ROBO2: variants seen among roughly 807,000 people sequenced by gnomAD.
ROBO2 encodes the protein roundabout homolog 2.
Under a neutral mutation model 160.8 loss-of-function variants are expected in ROBO2, and 53 were observed. The ratio of observed to expected loss-of-function variants is 0.33; its 90% CI spans 0.26 to 0.41. The LOEUF is 0.41. Ranked by LOEUF, ROBO2 falls within the 10% of genes least tolerant of loss-of-function variation. The probability of loss-of-function intolerance (pLI) is 1.00; values close to 1 mark genes in which losing one functional copy is unlikely to be tolerated. For missense variants in ROBO2, 1,577 were observed against 1,722.4 expected (o/e 0.92, Z 1.49); for synonymous variants, 664 against 611.7 (o/e 1.09, Z -1.26).
At chr3:77,417,496 A>C (rs2077352608) in intron 2 of ROBO2, among the ~76,000 whole-genome samples, 1 of 152,114 alleles carries the variant, frequency 6.6e-6, no homozygotes, top group Admixed American at 6.5e-5. Flanking sequence ...ACTTCAATAA[A>C]ATATATGTAA....
At chr3:77,445,035 G>A (rs2080324924) in intron 2 of ROBO2, among the ~76,000 whole-genome samples, 1 of 152,086 alleles carries the variant, frequency 6.6e-6, no homozygotes, top group African/African-American at 2.4e-5. Context: ...AATAAAATCA[G>A]CAAGTGATTG....
intron 2 of ROBO2, among the ~76,000 whole-genome samples, chr3:76,785,529 G>C (rs556767157): frequency 5.9e-5 from 9 of 151,266 alleles, no homozygotes; most frequent in Admixed American, 2.0e-4. Context: ...TTGTTGTAGT[G>C]CTATGGCAAT....
chr3:77,271,548 G>C (rs1260422968), intron 2 of ROBO2, among the ~76,000 whole-genome samples: 1 of 152,188 alleles, frequency 6.6e-6, no homozygotes, highest in African/African-American at 2.4e-5. Flanking sequence ...CATAAAGTGT[G>C]ATTAGAGCCT....
intron 13 of ROBO2, among the ~76,000 whole-genome samples, chr3:77,571,504 A>G (rs77673047): frequency 6.6e-6 from 1 of 152,098 alleles, no homozygotes; most frequent in Non-Finnish European, 1.5e-5. Context: ...TGAGCAAATT[A>G]AGTAAACTGA....
At chr3:77,380,568 A>G (rs948658107) in intron 2 of ROBO2, among the ~76,000 whole-genome samples, 2 of 152,270 alleles carry the variant, frequency 1.3e-5, no homozygotes, top group Non-Finnish European at 1.5e-5. Context: ...AATTAATAGA[A>G]TTGGTAGTGC....
chr3:77,220,561 C>A (rs1380392516), intron 2 of ROBO2, among the ~76,000 whole-genome samples: 1 of 151,524 alleles, frequency 6.6e-6, no homozygotes, highest in Non-Finnish European at 1.5e-5. Context: ...CAATTAGATT[C>A]CTTGTGGAAA....
At chr3:75,996,867 A>C (rs2065744454) in intron 2 of ROBO2, among the ~76,000 whole-genome samples, 1 of 152,022 alleles carries the variant, frequency 6.6e-6, no homozygotes, top group African/African-American at 2.4e-5. Flanking sequence ...CTATTCTGAT[A>C]TATGTAAATC....
At chr3:77,240,481 G>A (rs2088862225) in intron 2 of ROBO2, among the ~76,000 whole-genome samples, 1 of 152,154 alleles carries the variant, frequency 6.6e-6, no homozygotes, top group Non-Finnish European at 1.5e-5. Flanking sequence ...ACACCTCCCT[G>A]CAAGCAGAGG....
chr3:76,273,293 C>T (rs1010632127), intron 2 of ROBO2, among the ~76,000 whole-genome samples: 2 of 150,210 alleles, frequency 1.3e-5, no homozygotes, highest in Non-Finnish European at 3.0e-5. Context: ...TACAGTTTTT[C>T]GAGGCAATTA....
chr3:76,334,604 A>G (rs1287612668), intron 2 of ROBO2, among the ~76,000 whole-genome samples: 1 of 152,180 alleles, frequency 6.6e-6, no homozygotes, highest in African/African-American at 2.4e-5. Context: ...AGAGTCACAT[A>G]GGCATAACAG....
chr3:77,330,924 G>C (rs545599923), intron 2 of ROBO2, among the ~76,000 whole-genome samples: 3 of 152,248 alleles, frequency 2.0e-5, no homozygotes, highest in Admixed American at 6.5e-5. Context: ...TTGTTTCTCA[G>C]TATTTGATTG....
chr3:76,447,881 G>A (rs1189190290), intron 2 of ROBO2, among the ~76,000 whole-genome samples: 22 of 129,870 alleles, frequency 1.7e-4, no homozygotes, highest in African/African-American at 5.3e-4. Context: ...ATCACACAGC[G>A]GGGCCTGTTG....
At chr3:76,147,905 A>G (rs530275957) in intron 2 of ROBO2, among the ~76,000 whole-genome samples, 3 of 152,180 alleles carry the variant, frequency 2.0e-5, no homozygotes, top group South Asian at 2.1e-4. Flanking sequence ...ACCTGAGAGA[A>G]TATCTCAAAT....
intron 2 of ROBO2, among the ~76,000 whole-genome samples, chr3:75,978,720 T>A (rs1471777790): frequency 4.0e-5 from 6 of 151,552 alleles, no homozygotes; most frequent in Non-Finnish European, 7.4e-5. Context: ...TCCATGAAAC[T>A]TTTACCAACA....
At chr3:76,570,538 TA>T (rs1341701034) in intron 2 of ROBO2, among the ~76,000 whole-genome samples, 1 of 152,190 alleles carries the variant, frequency 6.6e-6, no homozygotes, top group Non-Finnish European at 1.5e-5. Context: ...TCTTTTAAAA[TA>T]AAATCAATGT....
chr3:77,380,823 C>A (rs113623195), intron 2 of ROBO2, among the ~76,000 whole-genome samples: 2 of 151,886 alleles, frequency 1.3e-5, no homozygotes, highest in Non-Finnish European at 2.9e-5. Flanking sequence ...CGCTGATTAG[C>A]GCTGTCTCAA....
At chr3:77,634,582 G>A (rs185873751) in intron 23 of ROBO2, 17 of 383,698 alleles carry the variant, frequency 4.4e-5, no homozygotes, top group Non-Finnish European at 6.9e-5. Context: ...TTAAATAAAA[G>A]TATAATCATG....
At chr3:76,642,398 G>C (rs1181505309) in intron 2 of ROBO2, among the ~76,000 whole-genome samples, 2 of 137,312 alleles carry the variant, frequency 1.5e-5, no homozygotes, top group Non-Finnish European at 3.0e-5. Flanking sequence ...TGTCGCCCAG[G>C]CTGGAGTGTA....
chr3:76,364,508 A>G (rs2075699070), intron 2 of ROBO2, among the ~76,000 whole-genome samples: 1 of 152,048 alleles, frequency 6.6e-6, no homozygotes, highest in South Asian at 2.1e-4. Flanking sequence ...TTAAACTGAA[A>G]AGTACAGGTT....
Sources: gnomAD v4.1 joint callset for allele counts (sites outside exome capture counted in the v4.1 genomes callset) on GRCh38, gnomAD v4.1.1 for gene constraint, MANE v1.5 for transcripts, NCBI Gene and HGNC (gene_info 2026-07-23, HGNC 2026-07-21) for gene names.